The following KPNA3 variants were observed in gnomAD, a reference collection of about 807,000 sequenced individuals.
KPNA3 encodes importin subunit alpha-4.
A neutral mutation model predicts 73.8 loss-of-function variants in KPNA3; 13 were observed. That is an observed-to-expected ratio of 0.18 (90% CI 0.11 to 0.28). KPNA3 has a LOEUF of 0.28. Ranked by LOEUF, KPNA3 falls within the 10% of genes least tolerant of loss-of-function variation. The pLI is 1.00. For synonymous variants in KPNA3, 186 were observed against 206.9 expected, an observed-to-expected ratio of 0.90 and a Z score of 0.87; for missense variants, 360 against 618.1, an observed-to-expected ratio of 0.58 and a Z score of 4.43.
At position 49,732,781 on chromosome 13, in the gene KPNA3, A is replaced by T. The variant is rs780667075; in HGVS notation, c.205-5T>A. 1.9e-6 allele frequency: 3 copies of T among 1,558,310 alleles called. No homozygotes were observed. The East Asian group carries it at 6.7e-5, about 35-fold the overall frequency. On this transcript the variant is annotated splice_region_variant and splice_polypyrimidine_tract_variant and intron_variant, in intron 3 of 16. Coordinates refer to ENST00000261667, the MANE Select transcript of KPNA3 (RefSeq NM_002267.4). Reference sequence around the variant, plus strand: ...AGCTTCTAGGGTTACATTTTGCTTAAAAAGAAAAAAAAAATAGTTCAGCAG... The same window carrying T: ...AGCTTCTAGGGTTACATTTTGCTTATAAAGAAAAAAAAAATAGTTCAGCAG...
rs553804645 is a variant in KPNA3 at position 49,716,533 on chromosome 13, G to A, written c.771+3242C>T. 5.7e-4 allele frequency among the ~76,000 whole-genome samples: 87 copies of A among 151,892 alleles called. 1 individual carries two copies. The highest frequency in any genetic ancestry group is 1.8e-3 in the African/African-American group (73 of 41,416). ...GGTTCATTGCAACCTCCACCTCCCCGACTCAAGCGATTCTCCTGCCCCAGC... is the reference window on the plus strand; with the variant it reads ...GGTTCATTGCAACCTCCACCTCCCCAACTCAAGCGATTCTCCTGCCCCAGC... On this transcript the variant is annotated intron_variant, in intron 10 of 16. Transcript: ENST00000261667.
chr13:49,734,954 TAGAGAGAG>T (rs10675449), intron 2 of KPNA3, among the ~76,000 whole-genome samples: 1 of 145,840 alleles, frequency 6.9e-6, no homozygotes, highest in Admixed American at 6.9e-5. Flanking sequence ...GAGAGATAGA[TAGAGAGAG>T]AGAGAGAGAG....
At chr13:49,766,546 A>AAT (rs1954809201) in intron 1 of KPNA3, among the ~76,000 whole-genome samples, 1 of 152,220 alleles carries the variant, frequency 6.6e-6, no homozygotes, top group South Asian at 2.1e-4. Context: ...GCCTCTCTAT[A>AAT]AGAGTAACTA....
chr13:49,784,268 A>C (rs572321042), intron 1 of KPNA3, among the ~76,000 whole-genome samples: 1 of 152,276 alleles, frequency 6.6e-6, no homozygotes, highest in Admixed American at 6.5e-5. Flanking sequence ...TCCAGATTAC[A>C]AAAAATCTGA....
chr13:49,741,975 T>G (rs1391216623), intron 2 of KPNA3, among the ~76,000 whole-genome samples: 1 of 152,214 alleles, frequency 6.6e-6, no homozygotes, highest in Non-Finnish European at 1.5e-5. Context: ...CCCAGACCAG[T>G]ATCATGGAGA....
chr13:49,775,097 G>A (rs1186267422), intron 1 of KPNA3, among the ~76,000 whole-genome samples: 3 of 141,868 alleles, frequency 2.1e-5, no homozygotes, highest in Non-Finnish European at 3.0e-5. Context: ...AGGTTGCAGT[G>A]AGCGGAGATC....
chr13:49,771,803 A>AC (rs1486625347), intron 1 of KPNA3, among the ~76,000 whole-genome samples: 4 of 152,066 alleles, frequency 2.6e-5, no homozygotes, highest in African/African-American at 9.7e-5. Flanking sequence ...ACAGGTACAC[A>AC]CCATCAGACC....
intron 1 of KPNA3, among the ~76,000 whole-genome samples, chr13:49,782,978 G>A (rs1269640867): frequency 6.6e-6 from 1 of 152,068 alleles, no homozygotes; most frequent in Non-Finnish European, 1.5e-5. Flanking sequence ...TATGCTGACA[G>A]TATCAAAAGA....
chr13:49,708,867 T>A (rs1048830675), intron 12 of KPNA3, among the ~76,000 whole-genome samples: 3 of 152,194 alleles, frequency 2.0e-5, no homozygotes, highest in Non-Finnish European at 4.4e-5. Flanking sequence ...TTTTTTATGA[T>A]CCTTGAATTT....
At chr13:49,786,317 A>G (rs1954982195) in intron 1 of KPNA3, among the ~76,000 whole-genome samples, 1 of 152,186 alleles carries the variant, frequency 6.6e-6, no homozygotes, top group Non-Finnish European at 1.5e-5. Flanking sequence ...TTCTCAACAG[A>G]GCCCAAATAC....
rs1317815474 is a variant in KPNA3, at chr13:49,714,563, A to C, written c.772-3541T>G. 3.9e-5 allele frequency among the ~76,000 whole-genome samples: 6 copies of C among 152,158 alleles called. No homozygotes were observed. The East Asian group carries it at 1.2e-3, about 29-fold the overall frequency. ...CAAAAATAAAGAAAATTATCATGAA[A>C]CTAACTCCACAAAAAAGTACCAAAT... On this transcript the variant is annotated intron_variant, in intron 10 of 16. Coordinates refer to ENST00000261667, the MANE Select transcript of KPNA3 (RefSeq NM_002267.4).
chr13:49,765,333 C>T (rs1954800086), intron 1 of KPNA3, among the ~76,000 whole-genome samples: 1 of 152,076 alleles, frequency 6.6e-6, no homozygotes. Flanking sequence ...TTTTGCTCAC[C>T]TGTATATATT....
At chr13:49,748,942 T>A (rs1954640387) in intron 1 of KPNA3, among the ~76,000 whole-genome samples, 2 of 152,310 alleles carry the variant, frequency 1.3e-5, no homozygotes, top group East Asian at 3.9e-4. Context: ...ATAAGCTATC[T>A]TTATTCACTG....
chr13:49,749,906 C>A (rs116381202), intron 1 of KPNA3, among the ~76,000 whole-genome samples: 1 of 152,130 alleles, frequency 6.6e-6, no homozygotes, highest in East Asian at 1.9e-4. Flanking sequence ...TCATGACTTA[C>A]TATGCTCTTT....
In KPNA3 at chr13:49,722,511, A is replaced by G. The variant is rs1468416581; in HGVS notation, c.522T>C (p.Cys174=). The change falls in exon 8 of 17, where the codon TGT becomes TGC. Residue 174 remains cysteine, a synonymous_variant. Coordinates refer to ENST00000261667, the MANE Select transcript of KPNA3 (RefSeq NM_002267.4). ...TTCCCAAAGCCCATACTGCTTGTTC[A>G]CAAACATTCTGATGTGGTGAACGAA... ...RLLRSPHQNV[C]EQAVWALGNI... The G allele has an allele frequency of 2.5e-6, 4 of 1,612,102 alleles. No individual in the cohort carries two copies. The highest frequency in any genetic ancestry group is 3.4e-6 in the Non-Finnish European group (4 of 1,179,038).
intron 6 of KPNA3, among the ~76,000 whole-genome samples, chr13:49,728,189 C>G (rs1188105332): frequency 6.7e-6 from 1 of 149,030 alleles, no homozygotes; most frequent in Non-Finnish European, 1.5e-5. Context: ...GAGCTGATAT[C>G]GTGCCACTGC....
At chr13:49,767,288 G>C (rs1316335788) in intron 1 of KPNA3, among the ~76,000 whole-genome samples, 2 of 151,568 alleles carry the variant, frequency 1.3e-5, no homozygotes, top group Non-Finnish European at 2.9e-5. Flanking sequence ...GTGGTGGCAG[G>C]CGCCTGTAGT....
At chr13:49,714,480 T>C (rs916606271) in intron 10 of KPNA3, among the ~76,000 whole-genome samples, 1 of 152,138 alleles carries the variant, frequency 6.6e-6, no homozygotes, top group Non-Finnish European at 1.5e-5. Context: ...ACTAGAACAA[T>C]AGTTTATAAA....
intron 2 of KPNA3, among the ~76,000 whole-genome samples, chr13:49,739,273 T>C (rs1013199501): frequency 6.6e-6 from 1 of 152,172 alleles, no homozygotes; most frequent in African/African-American, 2.4e-5. Flanking sequence ...AAATTTAATA[T>C]AATGTGCCAA....
Sources: gnomAD v4.1 joint callset for allele counts (sites outside exome capture counted in the v4.1 genomes callset) on GRCh38, gnomAD v4.1.1 for gene constraint, MANE v1.5 for transcripts, NCBI Gene and HGNC (gene_info 2026-07-23, HGNC 2026-07-21) for gene names.